Variants in MAD1L1 observed in about 807,000 individuals in gnomAD.
The protein encoded by MAD1L1 is mitotic spindle assembly checkpoint protein MAD1.
MAD1L1 carries 95 observed loss-of-function variants against 96.9 expected under a neutral mutation model. The observed-to-expected ratio is 0.98, with a 90% CI of 0.83 to 1.16. The LOEUF (loss-of-function observed/expected upper bound fraction) is 1.16, where lower values mean the gene tolerates loss of function less well. MAD1L1 is among the 50% of genes most tolerant of loss of function. The pLI is 0.00. For synonymous variants in MAD1L1, 473 were observed against 396.6 expected (o/e 1.19, Z -2.29); for missense variants, 1,007 against 954.4 (o/e 1.06, Z -0.73).
chr7:2,042,034 CACACGG>C (rs1349127926), intron 12 of MAD1L1, among the ~76,000 whole-genome samples: 5 of 152,116 alleles, frequency 3.3e-5, no homozygotes, highest in African/African-American at 4.8e-5. Context: ...CACACACACG[CACACGG>C]ACATGCACAC....
At chr7:1,938,898 G>GGC (rs72094854) in intron 16 of MAD1L1, among the ~76,000 whole-genome samples, 8 of 95,606 alleles carry the variant, frequency 8.4e-5, no homozygotes, top group East Asian at 3.2e-4. Context: ...CGGGGCCAGA[G>GGC]GCGCGCACAC....
intron 15 of MAD1L1, among the ~76,000 whole-genome samples, chr7:1,960,111 T>C (rs1779891707): frequency 1.3e-5 from 2 of 151,972 alleles, no homozygotes; most frequent in Non-Finnish European, 1.5e-5. Context: ...CACTTGAAGG[T>C]AGGCTGTGGT....
intron 11 of MAD1L1, among the ~76,000 whole-genome samples, chr7:2,138,312 C>T (rs1443204640): frequency 2.6e-5 from 4 of 152,218 alleles, no homozygotes; most frequent in African/African-American, 9.6e-5. Flanking sequence ...ACCGTCCTGG[C>T]TGCGGCAGCG....
At chr7:1,836,786 C>T (rs1289742535) in intron 18 of MAD1L1, among the ~76,000 whole-genome samples, 1 of 151,976 alleles carries the variant, frequency 6.6e-6, no homozygotes, top group African/African-American at 2.4e-5. Flanking sequence ...AAGAGTCAAT[C>T]CAGACCTTGC....
At chr7:2,220,365 G>A (rs1584583901) in intron 5 of MAD1L1, among the ~76,000 whole-genome samples, 1 of 152,222 alleles carries the variant, frequency 6.6e-6, no homozygotes, top group African/African-American at 2.4e-5. Context: ...ACTCCCACCA[G>A]GCGACCTTCT....
At chr7:1,946,906 T>C (rs1779253879) in intron 16 of MAD1L1, among the ~76,000 whole-genome samples, 1 of 152,204 alleles carries the variant, frequency 6.6e-6, no homozygotes, top group Admixed American at 6.5e-5. Flanking sequence ...GACGGCCCGT[T>C]TCTCTCTGTG....
intron 10 of MAD1L1, among the ~76,000 whole-genome samples, chr7:2,176,214 G>A (rs1790939949): frequency 2.0e-5 from 3 of 152,162 alleles, no homozygotes; most frequent in Admixed American, 6.5e-5. Flanking sequence ...TGGGCATGGT[G>A]GCACATGCCT....
chr7:1,870,916 C>T (rs1053959951), intron 18 of MAD1L1, among the ~76,000 whole-genome samples: 23 of 145,232 alleles, frequency 1.6e-4, no homozygotes, highest in Non-Finnish European at 3.0e-4. Context: ...ACACCTGCCA[C>T]GCTGAACCCA....
Position 1,816,072 on chromosome 7 carries a change from A to T in MAD1L1, c.2155T>A (p.Ter719LysextTer7). The T allele has an allele frequency of 1.2e-6, 2 of 1,609,184 alleles. No individual in the cohort carries two copies. The highest frequency in any genetic ancestry group is 1.1e-5 in the South Asian group (1 of 90,782). ...GGCTATGCCCCCGAGCCTGCAGGCT[A>T]CGCCACGGTCTGGCGGCTGAAGAGC... Reference protein sequence around the residue: ...LELFSRQTVA* With the variant: ...LELFSRQTVAK Residue 719 changes from the stop codon to lysine (K), a stop_lost, in exon 19 of 19, where the codon TAG becomes AAG. Transcript: ENST00000265854.
intron 15 of MAD1L1, among the ~76,000 whole-genome samples, chr7:1,977,573 G>C (rs1562577617): frequency 6.6e-6 from 1 of 152,284 alleles, no homozygotes; most frequent in East Asian, 1.9e-4. Context: ...CCACAGTGCA[G>C]TGGCAGGCTG....
chr7:2,222,887 T>G, intron 4 of MAD1L1, 133 bp from the exon 5 acceptor site: 4 of 696,744 alleles, frequency 5.7e-6, no homozygotes, highest in Non-Finnish European at 9.1e-6. Flanking sequence ...AGCCAAGTCA[T>G]AGGCAGAACC....
At chr7:2,022,676 A>C (rs1212257750) in intron 12 of MAD1L1, among the ~76,000 whole-genome samples, 1 of 152,238 alleles carries the variant, frequency 6.6e-6, no homozygotes, top group Non-Finnish European at 1.5e-5. Flanking sequence ...CAAGTGTCCC[A>C]ATAGAAAAGA....
intron 11 of MAD1L1, among the ~76,000 whole-genome samples, chr7:2,138,414 G>A (rs564800487): frequency 1.1e-4 from 17 of 152,318 alleles, no homozygotes; most frequent in African/African-American, 3.4e-4. Flanking sequence ...TGAGAACCAC[G>A]ACGAGGTGGG....
intron 14 of MAD1L1, among the ~76,000 whole-genome samples, chr7:1,987,418 C>T (rs1294490333): frequency 2.0e-5 from 3 of 152,322 alleles, no homozygotes; most frequent in East Asian, 1.9e-4. Context: ...GAGCTCGGAA[C>T]GGGGAGGTAC....
At chr7:2,050,050 G>A (rs1003711933) in intron 12 of MAD1L1, among the ~76,000 whole-genome samples, 5 of 121,972 alleles carry the variant, frequency 4.1e-5, no homozygotes, top group African/African-American at 9.4e-5. Flanking sequence ...CTCACCCAGC[G>A]TCTGCGGGCA....
intron 12 of MAD1L1, among the ~76,000 whole-genome samples, chr7:2,060,372 C>T (rs973657319): frequency 2.0e-5 from 3 of 150,498 alleles, no homozygotes; most frequent in African/African-American, 7.4e-5. Flanking sequence ...CCAAGATACA[C>T]CGATGCCGAG....
chr7:2,139,227 A>T (rs1788903643), intron 11 of MAD1L1, among the ~76,000 whole-genome samples: 1 of 151,970 alleles, frequency 6.6e-6, no homozygotes, highest in South Asian at 2.1e-4. Flanking sequence ...CACGGGGATC[A>T]CACGGCCCGA....
chr7:2,040,254 C>T (rs762627755), intron 12 of MAD1L1, among the ~76,000 whole-genome samples: 1 of 152,206 alleles, frequency 6.6e-6, no homozygotes, highest in Admixed American at 6.5e-5. Flanking sequence ...AGCAAAGACA[C>T]TGGATTAGTT....
chr7:2,086,299 G>A (rs1265432186), intron 11 of MAD1L1, among the ~76,000 whole-genome samples: 1 of 152,206 alleles, frequency 6.6e-6, no homozygotes, highest in African/African-American at 2.4e-5. Context: ...ACTGGGTAAC[G>A]CATCACTGAA....
Sources: allele counts gnomAD v4.1 joint callset (sites outside exome capture counted in the v4.1 genomes callset), GRCh38; gene constraint gnomAD v4.1.1; transcripts MANE v1.5; gene names NCBI Gene and HGNC (gene_info 2026-07-23, HGNC 2026-07-21).